Variants in NEBL observed in about 807,000 individuals in gnomAD.
The protein encoded by NEBL is LIM and SH3 protein 2.
In NEBL, 122 loss-of-function variants were observed where a neutral mutation model predicts 140.2. The observed-to-expected ratio is 0.87, with a 90% CI of 0.75 to 1.01. The LOEUF (loss-of-function observed/expected upper bound fraction) is 1.01, where lower values mean the gene tolerates loss of function less well. Among genes scored for constraint, NEBL ranks in the 50% least tolerant of loss-of-function variants. NEBL has a pLI of 0.00. For synonymous variants in NEBL, 436 were observed against 398.9 expected (o/e 1.09, Z -1.11); for missense variants, 1,365 against 1,231.3 (o/e 1.11, Z -1.62).
chr10:21,103,868 C>G (rs980590940), intron 2 of NEBL, among the ~76,000 whole-genome samples: 2 of 152,028 alleles, frequency 1.3e-5, no homozygotes, highest in Non-Finnish European at 2.9e-5. Context: ...TTTGCCTAGC[C>G]CAAAGTCACT....
intron 1 of NEBL, among the ~76,000 whole-genome samples, chr10:21,267,752 T>G (rs540252790): frequency 6.6e-6 from 1 of 152,318 alleles, no homozygotes; most frequent in South Asian, 2.1e-4. Context: ...ATTAAATTAG[T>G]TAAAATTAAA....
At position 20,782,561 on chromosome 10, in the gene NEBL, C is replaced by T. The variant is rs187685462; in HGVS notation, c.*3186G>A. 1 of 152,320 alleles carries T rather than the reference C, an allele frequency of 6.6e-6. No individual in the cohort carries two copies. 9.4% of individuals were successfully genotyped at this position (152,320 alleles called of 1,614,324 possible). ...TGGCACATTGGAAAAACCAGATCTGCATCTTCTTCAAGAAATAAACCCAGT... is the reference window on the plus strand; with the variant it reads ...TGGCACATTGGAAAAACCAGATCTGTATCTTCTTCAAGAAATAAACCCAGT... On this transcript the variant is annotated 3_prime_UTR_variant, in exon 28 of 28. Transcript: ENST00000377122.
chr10:21,290,814 C>T (rs1301853748), intron 1 of NEBL, among the ~76,000 whole-genome samples: 4 of 152,198 alleles, frequency 2.6e-5, no homozygotes, highest in Non-Finnish European at 4.4e-5. Context: ...CCCCATTTCC[C>T]TCTCCCCTAT....
At chr10:21,277,515 C>T (rs993064042) in intron 1 of NEBL, among the ~76,000 whole-genome samples, 3 of 152,158 alleles carry the variant, frequency 2.0e-5, no homozygotes, top group Admixed American at 2.0e-4. Context: ...TGGCCCAAAA[C>T]TTAACCTTTC....
intron 2 of NEBL, among the ~76,000 whole-genome samples, chr10:21,089,307 G>C (rs1272689803): frequency 2.0e-5 from 3 of 152,144 alleles, no homozygotes; most frequent in African/African-American, 7.2e-5. Context: ...TCCCAGGCCT[G>C]AAGCTCAAGG....
intron 3 of NEBL, among the ~76,000 whole-genome samples, chr10:20,978,347 G>A (rs533691072): frequency 1.5e-3 from 233 of 151,650 alleles, no homozygotes; most frequent in African/African-American, 3.5e-3. Context: ...AGAATAGAGA[G>A]CTTATTCAAG....
At chr10:20,852,495 G>T in intron 10 of NEBL, 50 bp downstream of exon 10, 1 of 1,312,158 alleles carries the variant, frequency 7.6e-7, no homozygotes, top group Non-Finnish European at 1.1e-6. Flanking sequence ...CCTCAGGATG[G>T]TTACGGGTTG....
At chr10:21,251,810 G>C (rs1313319108) in exon 2 of NEBL, among the ~76,000 whole-genome samples, 1 of 152,100 alleles carries the variant, frequency 6.6e-6, no homozygotes, top group African/African-American at 2.4e-5. Flanking sequence ...CTTGATCTTG[G>C]ACTTCCCAAC....
chr10:20,942,468 A>C (rs1045601143), intron 4 of NEBL, among the ~76,000 whole-genome samples: 1 of 152,174 alleles, frequency 6.6e-6, no homozygotes, highest in African/African-American at 2.4e-5. Flanking sequence ...AAATGTCAGA[A>C]CTAAAACCAT....
chr10:21,255,383 A>G (rs1031605713), intron 1 of NEBL, among the ~76,000 whole-genome samples: 2 of 152,242 alleles, frequency 1.3e-5, no homozygotes, highest in Admixed American at 1.3e-4. Flanking sequence ...CGAGCTGAGG[A>G]TCTAACATGT....
At chr10:20,802,193 A>T (rs995126432) in intron 26 of NEBL, among the ~76,000 whole-genome samples, 10 of 152,354 alleles carry the variant, frequency 6.6e-5, no homozygotes, top group African/African-American at 2.2e-4. Context: ...AAACCAAAGA[A>T]ACACAAAGTA....
At chr10:20,812,748 C>T (rs750155123) in intron 24 of NEBL, 21 bp downstream of exon 24, 34 of 1,613,414 alleles carry the variant, frequency 2.1e-5, no homozygotes, top group African/African-American at 1.5e-4. Context: ...ACACACCGGC[C>T]GACAAACGCC....
At chr10:21,179,608 C>CA (rs1564538012), upstream of NEBL, among the ~76,000 whole-genome samples, 1 of 152,116 alleles carries the variant, frequency 6.6e-6, no homozygotes, top group African/African-American at 2.4e-5. Context: ...TTCTCTGCTG[C>CA]AAACCCTACT....
At chr10:21,073,322 C>CA (rs371901801) in intron 2 of NEBL, among the ~76,000 whole-genome samples, 24,561 of 134,440 alleles carry the variant, frequency 0.18, 2,533 homozygotes, top group African/African-American at 0.32. Flanking sequence ...GACCCTGTCT[C>CA]AAAAAAAAAA....
At chr10:20,860,576 A>C (rs1043947928) in intron 7 of NEBL, among the ~76,000 whole-genome samples, 1 of 149,986 alleles carries the variant, frequency 6.7e-6, no homozygotes, top group Non-Finnish European at 1.5e-5. Context: ...AGAAAAAAAA[A>C]AAAAAAAAAA....
intron 1 of NEBL, among the ~76,000 whole-genome samples, chr10:21,268,402 G>T (rs1216715601): frequency 6.6e-6 from 1 of 152,210 alleles, no homozygotes; most frequent in Admixed American, 6.5e-5. Context: ...AGGATCGCCT[G>T]AGCCCAAGAG....
intron 2 of NEBL, among the ~76,000 whole-genome samples, chr10:21,160,268 C>T (rs1420239843): frequency 3.9e-5 from 6 of 152,170 alleles, no homozygotes; most frequent in Admixed American, 3.3e-4. Context: ...GGCAGCAGCC[C>T]CCGTGTGCAA....
At chr10:20,804,836 T>A (rs1270643745) in intron 26 of NEBL, among the ~76,000 whole-genome samples, 1 of 152,078 alleles carries the variant, frequency 6.6e-6, no homozygotes, top group African/African-American at 2.4e-5. Flanking sequence ...ATATTCAGAA[T>A]AAAATGATAG....
At chr10:21,063,838 C>T (rs944396998) in intron 2 of NEBL, among the ~76,000 whole-genome samples, 1 of 151,978 alleles carries the variant, frequency 6.6e-6, no homozygotes, top group African/African-American at 2.4e-5. Flanking sequence ...CCACTGCACT[C>T]CAGCCTGGGC....
Sources: gnomAD v4.1 joint callset for allele counts (sites outside exome capture counted in the v4.1 genomes callset) on GRCh38, gnomAD v4.1.1 for gene constraint, MANE v1.5 for transcripts, NCBI Gene and HGNC (gene_info 2026-07-23, HGNC 2026-07-21) for gene names.